NOL4: variants seen among roughly 807,000 people sequenced by gnomAD.
NOL4 encodes nucleolar protein 4, also known as cancer/testis antigen 125.
Under a neutral mutation model 75.9 loss-of-function variants are expected in NOL4, and 17 were observed. The ratio of observed to expected loss-of-function variants is 0.22; its 90% CI spans 0.15 to 0.34. The LOEUF is 0.34. Ranked by LOEUF, NOL4 falls within the 10% of genes least tolerant of loss-of-function variation. The pLI is 1.00. For synonymous variants in NOL4, 292 were observed against 289.9 expected (o/e 1.01, Z -0.07); for missense variants, 614 against 793.5 (o/e 0.77, Z 2.72).
In NOL4 at chr18:34,151,030, T is replaced by C. The variant is rs372074332; in HGVS notation, c.265-21010A>G. 4.6e-5 allele frequency among the ~76,000 whole-genome samples: 7 copies of C among 151,806 alleles called. No individual in the cohort carries two copies. In the South Asian group the frequency reaches 1.2e-3, roughly 27 times the overall value. ...AAAGAATGAGATACCACTACATAAC[T>C]ATTAGAAAGGCCAAAATTCAAAACA... On this transcript the variant is annotated intron_variant, in intron 1 of 10. Transcript: ENST00000261592.
chr18:33,897,653 G>A (rs1451430326), intron 9 of NOL4, among the ~76,000 whole-genome samples: 2 of 151,924 alleles, frequency 1.3e-5, no homozygotes, highest in Non-Finnish European at 2.9e-5. Flanking sequence ...GATAACTATT[G>A]GGTACTGGGC....
intron 9 of NOL4, among the ~76,000 whole-genome samples, chr18:33,914,333 A>G (rs1428284550): frequency 6.6e-6 from 1 of 152,102 alleles, no homozygotes; most frequent in Non-Finnish European, 1.5e-5. Context: ...AAACACTACA[A>G]GGAAGTCTGT....
chr18:34,154,848 T>C (rs1009295445), intron 1 of NOL4, among the ~76,000 whole-genome samples: 2 of 152,076 alleles, frequency 1.3e-5, no homozygotes, highest in African/African-American at 4.8e-5. Context: ...GTCATTCTGA[T>C]ACATGTGTGG....
intron 1 of NOL4, among the ~76,000 whole-genome samples, chr18:34,203,564 G>A (rs1438669587): frequency 1.3e-5 from 2 of 151,768 alleles, no homozygotes; most frequent in East Asian, 1.9e-4. Flanking sequence ...GTGGGAAGTC[G>A]AGTAAGTGTA....
At chr18:33,862,364 G>A (rs560760802) in intron 10 of NOL4, among the ~76,000 whole-genome samples, 5 of 152,266 alleles carry the variant, frequency 3.3e-5, no homozygotes, top group Admixed American at 3.3e-4. Flanking sequence ...GCACGGGCAA[G>A]GATTTCATGT....
chr18:33,957,767 G>A (rs962570237), intron 7 of NOL4, among the ~76,000 whole-genome samples: 3 of 152,080 alleles, frequency 2.0e-5, no homozygotes, highest in East Asian at 1.9e-4. Flanking sequence ...ATAGACTATC[G>A]TGTAGAAAAA....
intron 5 of NOL4, among the ~76,000 whole-genome samples, chr18:34,077,194 G>T (rs998288134): frequency 6.6e-6 from 1 of 152,090 alleles, no homozygotes; most frequent in Non-Finnish European, 1.5e-5. Flanking sequence ...TGTGGGCCCA[G>T]CTACCTGGGA....
At chr18:33,935,070 C>T (rs150901102) in intron 9 of NOL4, among the ~76,000 whole-genome samples, 131 of 152,020 alleles carry the variant, frequency 8.6e-4, no homozygotes, top group African/African-American at 3.1e-3. Flanking sequence ...TCACTATGTT[C>T]GCCAGGCTGG....
In NOL4 at chr18:34,195,641, A is replaced by C. The variant is rs79608797; in HGVS notation, c.264+27349T>G. Among the ~76,000 whole-genome samples the C allele has an allele frequency of 7.8e-3, 1,181 of 151,852 alleles. 9 individuals carry two copies. The highest frequency in any genetic ancestry group is 0.027 in the African/African-American group (1,121 of 41,430). ...ATGTTACTTTTCAAAAAAAAAAAAA[A>C]GCTATTTAAATTTAACAAAGCTTTG... is the stretch of plus-strand genomic sequence containing the variant. On this transcript the variant is annotated intron_variant, in intron 1 of 10. Transcript: ENST00000261592.
intron 5 of NOL4, among the ~76,000 whole-genome samples, chr18:34,031,908 G>A (rs973409811): frequency 6.6e-6 from 1 of 152,148 alleles, no homozygotes; most frequent in Admixed American, 6.5e-5. Context: ...CAATGGCACT[G>A]CCCCAGAGAG....
chr18:33,976,404 T>C (rs1189094568), intron 6 of NOL4, among the ~76,000 whole-genome samples: 1 of 152,194 alleles, frequency 6.6e-6, no homozygotes, highest in Non-Finnish European at 1.5e-5. Flanking sequence ...TTTTAACCAA[T>C]TTAAGTTTAA....
Position 33,875,509 on chromosome 18 carries a change from G to A in NOL4, c.1723+7735C>T, listed in dbSNP as rs577201735. On this transcript the variant is annotated intron_variant, in intron 10 of 10. Transcript: ENST00000261592. ...TCCTTGCTATGAAGTCTCCAATCGGGCAAGATTTTCTATTGCTATTAAACA... is the reference window on the plus strand; with the variant it reads ...TCCTTGCTATGAAGTCTCCAATCGGACAAGATTTTCTATTGCTATTAAACA... Among the ~76,000 whole-genome samples, 9 of 152,014 alleles carry A rather than the reference G, an allele frequency of 5.9e-5. 1 individual carries two copies. In the South Asian group the frequency reaches 1.2e-3, roughly 21 times the overall value.
chr18:34,001,152 A>C (rs2073670954), intron 6 of NOL4, among the ~76,000 whole-genome samples: 1 of 152,176 alleles, frequency 6.6e-6, no homozygotes, highest in Non-Finnish European at 1.5e-5. Context: ...CCTAGTAACT[A>C]TATGATAGAT....
chr18:34,215,785 G>A (rs974796615), intron 1 of NOL4, among the ~76,000 whole-genome samples: 4 of 152,142 alleles, frequency 2.6e-5, no homozygotes, highest in African/African-American at 9.7e-5. Context: ...CTCTGCCCCT[G>A]AAAACCTGCA....
intron 9 of NOL4, among the ~76,000 whole-genome samples, chr18:33,907,323 C>CAAAAA (rs35702916): frequency 1.3e-5 from 1 of 79,716 alleles, no homozygotes; most frequent in African/African-American, 4.6e-5. Flanking sequence ...GACTCCATTT[C>CAAAAA]AAAAAAAAAA....
Position 33,904,202 on chromosome 18 carries a change from C to T in NOL4, c.1543-20778G>A, listed in dbSNP as rs181371738. 1.6e-3 allele frequency among the ~76,000 whole-genome samples: 240 copies of T among 152,118 alleles called. 2 individuals are homozygous for T. Among genetic ancestry groups the T allele is most frequent in the Middle Eastern group, 6.8e-3 (2 of 294 alleles). ...AGTCATTTGGGTCTAACTCTCTTTGCCATAGGGGTCCCATCGAGGGATAGT... is the reference window on the plus strand; with the variant it reads ...AGTCATTTGGGTCTAACTCTCTTTGTCATAGGGGTCCCATCGAGGGATAGT... On this transcript the variant is annotated intron_variant, in intron 9 of 10. Transcript: ENST00000261592.
At chr18:33,886,564 T>A (rs1317363699) in intron 9 of NOL4, among the ~76,000 whole-genome samples, 2 of 150,498 alleles carry the variant, frequency 1.3e-5, no homozygotes, top group Non-Finnish European at 3.0e-5. Context: ...AATGAACTAT[T>A]AACTATTATT....
At chr18:34,153,575 C>A (rs1228618620) in intron 1 of NOL4, among the ~76,000 whole-genome samples, 1 of 151,792 alleles carries the variant, frequency 6.6e-6, no homozygotes, top group East Asian at 1.9e-4. Context: ...AAATGGAAAG[C>A]ACTGCAAGAT....
intron 6 of NOL4, among the ~76,000 whole-genome samples, chr18:34,001,473 T>C (rs1044418741): frequency 6.6e-6 from 1 of 152,134 alleles, no homozygotes; most frequent in Non-Finnish European, 1.5e-5. Context: ...TTGTGCTAAA[T>C]ATTAATGTCT....
Sources: gnomAD v4.1 joint callset for allele counts (sites outside exome capture counted in the v4.1 genomes callset) on GRCh38, gnomAD v4.1.1 for gene constraint, MANE v1.5 for transcripts, NCBI Gene and HGNC (gene_info 2026-07-23, HGNC 2026-07-21) for gene names.